KDELR3: variants seen among roughly 807,000 people sequenced by gnomAD.
The protein encoded by KDELR3 is ER lumen protein-retaining receptor 3.
In KDELR3, 26 loss-of-function variants were observed where a neutral mutation model predicts 22.7. The ratio of observed to expected loss-of-function variants is 1.15; its 90% CI spans 0.84 to 1.59. KDELR3 has a LOEUF of 1.59. KDELR3 is among the 40% of genes most tolerant of loss of function. KDELR3 has a pLI of 0.00. For synonymous variants in KDELR3, 120 were observed against 98.2 expected, an observed-to-expected ratio of 1.22 and a Z score of -1.31; for missense variants, 289 against 251.1, an observed-to-expected ratio of 1.15 and a Z score of -1.02.
At chr22:38,480,800 G>T (rs773657930) in intron 3 of KDELR3, among the ~76,000 whole-genome samples, 1 of 151,716 alleles carries the variant, frequency 6.6e-6, no homozygotes, top group African/African-American at 2.4e-5. Flanking sequence ...AGTGGCACAT[G>T]CCTGTATGTA....
rs527513609 is a variant in KDELR3 at position 38,483,314 on chromosome 22, T to G, written c.*778T>G. ...CCAATTCTTGTATTAAGTTTTTTCC[T>G]TTCAGTTTTAGGTGCGAAAGTAATC... On this transcript the variant is annotated 3_prime_UTR_variant, in exon 5 of 5. Transcript: ENST00000216014. The G allele has an allele frequency of 6.6e-6, 1 of 152,352 alleles. No homozygotes were observed. Among genetic ancestry groups the G allele is most frequent in the Non-Finnish European group, 1.5e-5 (1 of 68,040 alleles). 9.4% of individuals were successfully genotyped at this position (152,352 alleles called of 1,614,324 possible). A position where few individuals can be genotyped will look rare whatever the true frequency, so the allele number is the denominator to read the frequency against.
chr22:38,481,299 A>G lies in KDELR3; in HGVS notation c.439A>G (p.Ile147Val), dbSNP rs144678116. 2.7e-3 allele frequency: 4,355 copies of G among 1,614,210 alleles called. 12 individuals carry two copies. The highest frequency in any genetic ancestry group is 2.8e-3 in the Non-Finnish European group (3,292 of 1,180,038). ...CAGCAAGACTGGAGAGGCTGAGACC[A>G]TAACTACTCACTACCTGTTCTTTCT... ...MISKTGEAETITTHYLFFLGL... is the reference protein window; with the variant it reads ...MISKTGEAETVTTHYLFFLGL... The change falls in exon 4 of 5, where the codon ATA becomes GTA. Residue 147 changes from isoleucine (I) to valine (V), a missense_variant. Transcript: ENST00000216014.
rs1051759890 is a variant in KDELR3, at chr22:38,482,611, T to C, written c.*75T>C. 29 of 1,332,164 alleles carry C rather than the reference T, an allele frequency of 2.2e-5. 1 individual carries two copies. The Admixed American group carries it at 5.1e-4, about 24-fold the overall frequency. 82.5% of individuals were successfully genotyped at this position (1,332,164 alleles called of 1,614,324 possible). On this transcript the variant is annotated 3_prime_UTR_variant, in exon 5 of 5. Transcript: ENST00000216014. The stretch of plus-strand genomic sequence containing the variant: ...TTTGAATGTTCTCTTTGGCAACTTA[T>C]CCATAATTTGGGATCAAATGTTAAA...
intron 1 of KDELR3, 110 bp from the exon 2 acceptor site, chr22:38,474,413 T>A: frequency 1.3e-6 from 1 of 754,290 alleles, no homozygotes; most frequent in Admixed American, 2.3e-5. Flanking sequence ...GGTCTTTGAG[T>A]GGGAGTGGAC....
chr22:38,476,366 C>A (rs2089557668), intron 2 of KDELR3, among the ~76,000 whole-genome samples: 1 of 151,858 alleles, frequency 6.6e-6, no homozygotes, highest in Non-Finnish European at 1.5e-5. Context: ...ACTACAGGCG[C>A]CTGCCACTGC....
At chr22:38,472,648 ATTTC>A (rs1369352446) in intron 1 of KDELR3, among the ~76,000 whole-genome samples, 3 of 152,058 alleles carry the variant, frequency 2.0e-5, no homozygotes, top group African/African-American at 7.2e-5. Flanking sequence ...ACTGATGTTG[ATTTC>A]TTTGTTTTGA....
chr22:38,482,561 T>A lies in KDELR3; in HGVS notation c.*25T>A. On this transcript the variant is annotated 3_prime_UTR_variant, in exon 5 of 5. Coordinates refer to ENST00000216014, the MANE Select transcript of KDELR3 (RefSeq NM_006855.4). ...AGGACCTTCAGAGACAGTCTACGCC[T>A]TAACAAGCACATGAAGGAAACTATT... 1 of 1,590,264 alleles carries A rather than the reference T, an allele frequency of 6.3e-7. No homozygotes were observed. The highest frequency in any genetic ancestry group is 8.6e-7 in the Non-Finnish European group (1 of 1,159,868).
chr22:38,483,421 C>G lies in KDELR3; in HGVS notation c.*885C>G, dbSNP rs1427448956. On this transcript the variant is annotated 3_prime_UTR_variant, in exon 5 of 5. Coordinates refer to ENST00000216014, the MANE Select transcript of KDELR3 (RefSeq NM_006855.4). ...ACGTTGAATTATTCAGAGAATTAAG[C>G]AATAAAAGCTCACACCTTATTGTCA... 2.0e-5 allele frequency: 3 copies of G among 152,244 alleles called. No homozygotes were observed. Among genetic ancestry groups the G allele is most frequent in the Admixed American group, 6.5e-5 (1 of 15,284 alleles). The allele number at this position is 152,244 out of a possible 1,614,324, so 9.4% of individuals were successfully genotyped here. A position where few individuals can be genotyped will look rare whatever the true frequency, so the allele number is the denominator to read the frequency against.
intron 2 of KDELR3, among the ~76,000 whole-genome samples, chr22:38,479,308 A>T (rs1421897787): frequency 6.6e-6 from 1 of 152,198 alleles, no homozygotes; most frequent in Non-Finnish European, 1.5e-5. Context: ...GAAATAGACC[A>T]ATCCTGTTTC....
chr22:38,479,570 C>T, intron 2 of KDELR3, 23 bp from the exon 3 acceptor site: 8 of 1,604,304 alleles, frequency 5.0e-6, no homozygotes, highest in Non-Finnish European at 6.8e-6. Flanking sequence ...AGATTCGATT[C>T]CCATGTCTCT....
rs1219416072 is a variant in KDELR3, at chr22:38,479,701, C to T, written c.301C>T (p.Pro101Ser). 6.2e-7 allele frequency: 1 copy of T among 1,614,090 alleles called. No homozygotes were observed. The highest frequency in any genetic ancestry group is 8.5e-7 in the Non-Finnish European group (1 of 1,180,016). The change falls in exon 3 of 5, where the codon CCA becomes TCA. Residue 101 changes from proline (P) to serine (S), a missense_variant. Physicochemically the swap from Pro to Ser is moderately conservative, Grantham distance 74. Transcript: ENST00000216014. ...DTFRLEFLLV[P>S]VIGLSFLENY... ...ATTCCGCCTGGAGTTTCTTCTGGTC[C>T]CAGTCATTGGCCTTTCCTTCCTTGA...
chr22:38,476,767 G>C (rs1306972185), intron 2 of KDELR3, among the ~76,000 whole-genome samples: 1 of 150,658 alleles, frequency 6.6e-6, no homozygotes, highest in Admixed American at 6.6e-5. Flanking sequence ...CTCGTGATCT[G>C]CCCACCTTGG....
intron 1 of KDELR3, among the ~76,000 whole-genome samples, 183 bp downstream of exon 1, chr22:38,468,507 A>AC (rs1296882699): frequency 6.6e-6 from 1 of 151,742 alleles, no homozygotes; most frequent in Non-Finnish European, 1.5e-5. Flanking sequence ...GAGGAGGAGG[A>AC]CCCCTCGAGA....
intron 4 of KDELR3, 66 bp from the exon 5 acceptor site, chr22:38,482,430 C>A: frequency 7.9e-7 from 1 of 1,268,130 alleles, no homozygotes. Context: ...CAAGATTATG[C>A]ATCAAGTTAT....
At chr22:38,477,812 T>G (rs978984573) in intron 2 of KDELR3, among the ~76,000 whole-genome samples, 1 of 152,204 alleles carries the variant, frequency 6.6e-6, no homozygotes, top group Non-Finnish European at 1.5e-5. Context: ...AGTTCATTTC[T>G]CAGCCCAAGT....
intron 1 of KDELR3, among the ~76,000 whole-genome samples, chr22:38,473,808 T>A (rs1206726060): frequency 6.6e-6 from 1 of 152,016 alleles, no homozygotes; most frequent in East Asian, 1.9e-4. Context: ...ACTCCGTCTC[T>A]ACTAAAAATT....
chr22:38,471,597 G>A (rs964256807), intron 1 of KDELR3, among the ~76,000 whole-genome samples: 21 of 152,234 alleles, frequency 1.4e-4, no homozygotes, highest in African/African-American at 4.8e-4. Flanking sequence ...ATGTGAGACC[G>A]AGGCTCGCCC....
At chr22:38,474,423 C>T (rs1387328061) in intron 1 of KDELR3, 100 bp from the exon 2 acceptor site, 14 of 866,556 alleles carry the variant, frequency 1.6e-5, no homozygotes, top group Non-Finnish European at 2.4e-5. Flanking sequence ...TGGGAGTGGA[C>T]ACTCTAGAGG....
chr22:38,481,570 C>A (rs781645154), intron 4 of KDELR3, 106 bp downstream of exon 4: 1 of 1,559,594 alleles, frequency 6.4e-7, no homozygotes. Context: ...TCTCTGCCAT[C>A]CACAATGCTT....
Sources: allele counts gnomAD v4.1 joint callset (sites outside exome capture counted in the v4.1 genomes callset), GRCh38; gene constraint gnomAD v4.1.1; transcripts MANE v1.5; gene names NCBI Gene and HGNC (gene_info 2026-07-23, HGNC 2026-07-21).